The following FBLN5 variants were observed in gnomAD, a reference collection of about 807,000 sequenced individuals.
FBLN5 encodes the protein fibulin 5, also known as fibulin-5.
Under a neutral mutation model 61.6 loss-of-function variants are expected in FBLN5, and 24 were observed. The observed-to-expected ratio is 0.39, with a 90% confidence interval of 0.28 to 0.55. FBLN5 has a LOEUF of 0.55. Among genes scored for constraint, FBLN5 ranks in the 20% least tolerant of loss-of-function variants. The pLI is 0.65. For missense variants in FBLN5, 470 were observed against 594.1 expected (o/e 0.79, Z 2.17); for synonymous variants, 213 against 219.8 (o/e 0.97, Z 0.27).
At chr14:91,918,891 T>C (rs570201570) in intron 4 of FBLN5, among the ~76,000 whole-genome samples, 1 of 152,232 alleles carries the variant, frequency 6.6e-6, no homozygotes, top group Non-Finnish European at 1.5e-5. Flanking sequence ...CTAAGGTAGA[T>C]GGTGAGAAAT....
At chr14:91,930,968 C>G (rs568122249) in intron 4 of FBLN5, among the ~76,000 whole-genome samples, 1 of 152,328 alleles carries the variant, frequency 6.6e-6, no homozygotes, top group South Asian at 2.1e-4. Context: ...CCTGGGTTAT[C>G]ATCTCAAGAC....
chr14:91,939,110 C>T (rs866181392), intron 3 of FBLN5, among the ~76,000 whole-genome samples: 11 of 152,132 alleles, frequency 7.2e-5, no homozygotes, highest in African/African-American at 2.4e-4. Flanking sequence ...AATGATTTTG[C>T]TTAAATTAAA....
intron 4 of FBLN5, among the ~76,000 whole-genome samples, chr14:91,913,335 A>C (rs530760140): frequency 6.6e-6 from 1 of 152,340 alleles, no homozygotes; most frequent in Non-Finnish European, 1.5e-5. Context: ...AATGCCACCT[A>C]AAATGTATTA....
At chr14:91,919,346 A>AAAAAG (rs1224425076) in intron 4 of FBLN5, among the ~76,000 whole-genome samples, 26 of 85,448 alleles carry the variant, frequency 3.0e-4, no homozygotes, top group East Asian at 1.4e-3. Context: ...AAAGAAAAAA[A>AAAAAG]AAAAGAAAAG....
chr14:91,946,807 C>T, intron 1 of FBLN5: 4 of 1,534,490 alleles, frequency 2.6e-6, no homozygotes, highest in Non-Finnish European at 3.5e-6. Context: ...CGGTGTTCAG[C>T]TAGCCTGTCT....
intron 10 of FBLN5, chr14:91,873,515 T>G (rs1279280001): frequency 1.3e-5 from 2 of 152,566 alleles, no homozygotes; most frequent in African/African-American, 4.8e-5. Flanking sequence ...GGGTCTTGAC[T>G]TGACTTGAGA....
chr14:91,909,367 A>G (rs1890823606), intron 4 of FBLN5, among the ~76,000 whole-genome samples: 1 of 152,116 alleles, frequency 6.6e-6, no homozygotes, highest in African/African-American at 2.4e-5. Flanking sequence ...AGTGCCTAAT[A>G]CAGAATATTA....
At position 91,943,834 on chromosome 14, in the gene FBLN5, A is replaced by T. The variant is rs1433613423; in HGVS notation, c.18-873T>A. ...GTGGCCTGCGGGAACTGCTGCCAGC[A>T]GGTCCTGATGGAGGAAAGGACTCGG... On this transcript the variant is annotated intron_variant, in intron 1 of 10. Coordinates refer to ENST00000342058, the MANE Select transcript of FBLN5 (RefSeq NM_006329.4). The surrounding 1 kb of genome is among the most constrained non-coding windows in gnomAD (Gnocchi z 4.0). Among the ~76,000 whole-genome samples, 3 of 152,096 alleles carry T rather than the reference A, an allele frequency of 2.0e-5. No individual in the cohort carries two copies. The highest frequency in any genetic ancestry group is 4.4e-5 in the Non-Finnish European group (3 of 68,006).
At chr14:91,940,651 C>T in intron 2 of FBLN5, 35 bp from the exon 3 acceptor site, 1 of 1,585,282 alleles carries the variant, frequency 6.3e-7, no homozygotes, top group Non-Finnish European at 8.7e-7. Context: ...CAGGCAAGGT[C>T]ATTTCACACC....
intron 4 of FBLN5, among the ~76,000 whole-genome samples, chr14:91,914,278 C>A (rs1009486055): frequency 1.3e-4 from 19 of 151,944 alleles, no homozygotes; most frequent in Non-Finnish European, 2.5e-4. Flanking sequence ...GAGATCGAGA[C>A]CATCCTGGCT....
At chr14:91,894,841 C>CCCCAAA in intron 5 of FBLN5, 109 bp downstream of exon 5, 1 of 563,080 alleles carries the variant, frequency 1.8e-6, no homozygotes, top group Non-Finnish European at 3.1e-6. Context: ...CCCTCCCTAG[C>CCCCAAA]AAAGAAAAGC....
At chr14:91,899,624 G>A (rs1022560842) in intron 4 of FBLN5, among the ~76,000 whole-genome samples, 15 of 152,182 alleles carry the variant, frequency 9.9e-5, no homozygotes, top group African/African-American at 3.6e-4. Context: ...CCTCCTCGAT[G>A]CCTTCCAAGG....
In FBLN5 at chr14:91,942,881, A is replaced by T. The variant is rs113167395; in HGVS notation, c.72+26T>A. The T allele has an allele frequency of 3.6e-3, 5,205 of 1,443,878 alleles. 117 individuals carry two copies. The African/African-American group carries it at 0.054, about 15-fold the overall frequency. The allele number at this position is 1,443,878 out of a possible 1,614,324, so 89.4% of individuals were successfully genotyped here. On this transcript the variant is annotated intron_variant, in intron 2 of 10. Coordinates refer to ENST00000342058, the MANE Select transcript of FBLN5 (RefSeq NM_006329.4). ...ACCCCGGATTTTAATACGCTTGTAG[A>T]TATTTTTTAAAAATAAAAATCTTAC...
rs5810562 is a variant in FBLN5, at chr14:91,939,337, A to ATTT, written c.124+1225_124+1227dup. 9.5e-5 allele frequency among the ~76,000 whole-genome samples: 11 copies of ATTT among 115,734 alleles called. No individual in the cohort carries two copies. The South Asian group carries it at 1.4e-3, about 15-fold the overall frequency. The allele number at this position is 115,734 out of a possible 152,430, so 75.9% of individuals were successfully genotyped here. On this transcript the variant is annotated intron_variant, in intron 3 of 10. Coordinates refer to ENST00000342058, the MANE Select transcript of FBLN5 (RefSeq NM_006329.4). The stretch of plus-strand genomic sequence containing the variant: ...CCCAATTCAAATGTGACCTCCATTA[A>ATTT]TTTTTTTTTTTTTTTTTTTTGAGAC...
intron 10 of FBLN5, among the ~76,000 whole-genome samples, chr14:91,876,265 T>C (rs1022283074): frequency 1.3e-5 from 2 of 152,212 alleles, no homozygotes; most frequent in Non-Finnish European, 2.9e-5. Flanking sequence ...CTTCCTGCCT[T>C]GTGGCCCATG....
In FBLN5 at chr14:91,936,842, G is replaced by A. The variant is rs576447183; in HGVS notation, c.379+105C>T. Reference sequence around the variant, plus strand: ...CAGAGAGTAAGTCATTGTTTCACTGGTGCATTGAATGGCAACTAACAACCC... The same window carrying A: ...CAGAGAGTAAGTCATTGTTTCACTGATGCATTGAATGGCAACTAACAACCC... On this transcript the variant is annotated intron_variant, in intron 4 of 10. Coordinates refer to ENST00000342058, the MANE Select transcript of FBLN5 (RefSeq NM_006329.4). 57 of 1,280,778 alleles carry A rather than the reference G, an allele frequency of 4.5e-5. No homozygotes were observed. In the African/African-American group the frequency reaches 8.3e-4, roughly 19 times the overall value. The allele number at this position is 1,280,778 out of a possible 1,614,324, so 79.3% of individuals were successfully genotyped here. A position where few individuals can be genotyped will look rare whatever the true frequency, so the allele number is the denominator to read the frequency against.
At chr14:91,911,621 A>G (rs1037037868) in intron 4 of FBLN5, among the ~76,000 whole-genome samples, 3 of 152,244 alleles carry the variant, frequency 2.0e-5, no homozygotes, top group Admixed American at 6.5e-5. Context: ...GTGGCCTTCC[A>G]GCAAGTCTTT....
At chr14:91,931,915 CT>C (rs1364765033) in intron 4 of FBLN5, among the ~76,000 whole-genome samples, 6 of 152,210 alleles carry the variant, frequency 3.9e-5, no homozygotes, top group Admixed American at 6.5e-5. Context: ...ACCCCACCCC[CT>C]GAGGCTTCAG....
intron 2 of FBLN5, 143 bp downstream of exon 2, chr14:91,942,764 C>T (rs1269844219): frequency 6.0e-6 from 4 of 667,684 alleles, no homozygotes; most frequent in African/African-American, 5.4e-5. Flanking sequence ...CACTGTTAAC[C>T]TCTGAGAATG....
Sources: gnomAD v4.1 joint callset for allele counts (sites outside exome capture counted in the v4.1 genomes callset) on GRCh38, gnomAD v4.1.1 for gene constraint, Gnocchi (gnomAD v3.1) non-coding constraint, MANE v1.5 for transcripts, NCBI Gene and HGNC (gene_info 2026-07-23, HGNC 2026-07-21) for gene names.